Variants in FOLH1 observed in about 807,000 individuals in gnomAD.
FOLH1 encodes the protein folate hydrolase 1, also known as glutamate carboxypeptidase 2.
FOLH1 carries 54 observed loss-of-function variants against 93.9 expected under a neutral mutation model. That is an observed-to-expected ratio of 0.57 (90% confidence interval 0.46 to 0.72). The LOEUF (loss-of-function observed/expected upper bound fraction) is 0.72. Ranked by LOEUF, FOLH1 falls within the 30% of genes least tolerant of loss-of-function variation. FOLH1 has a pLI of 0.00. For synonymous variants in FOLH1, 249 were observed against 303.6 expected, an observed-to-expected ratio of 0.82 and a Z score of 1.87; for missense variants, 571 against 892.5, an observed-to-expected ratio of 0.64 and a Z score of 4.59.
chr11:49,164,079 C>CA (rs993244975), intron 13 of FOLH1, among the ~76,000 whole-genome samples: 21 of 152,280 alleles, frequency 1.4e-4, no homozygotes, highest in Admixed American at 2.6e-4. Flanking sequence ...TTACTTGCCC[C>CA]TTCAATTTCT....
chr11:49,164,199 C>A (rs1192158106), intron 13 of FOLH1, among the ~76,000 whole-genome samples: 1 of 152,122 alleles, frequency 6.6e-6, no homozygotes, highest in Non-Finnish European at 1.5e-5. Flanking sequence ...TATTTATAAT[C>A]CCTATCTGAA....
chr11:49,182,522 G>A (rs1860884538), intron 7 of FOLH1, among the ~76,000 whole-genome samples: 1 of 152,110 alleles, frequency 6.6e-6, no homozygotes, highest in Non-Finnish European at 1.5e-5. Context: ...CTCTCATAGT[G>A]TGTTATTCTG....
chr11:49,169,605 A>G (rs1343776798), intron 11 of FOLH1, among the ~76,000 whole-genome samples: 1 of 152,218 alleles, frequency 6.6e-6, no homozygotes, highest in Non-Finnish European at 1.5e-5. Flanking sequence ...TTCAGTGAAA[A>G]TCTTCCTATA....
chr11:49,173,519 T>C, intron 9 of FOLH1, 43 bp from the exon 10 acceptor site: 2 of 1,311,386 alleles, frequency 1.5e-6, no homozygotes, highest in Non-Finnish European at 2.0e-6. Context: ...TTCAGGTCAA[T>C]AAAAGAGAAA....
At chr11:49,193,614 G>A (rs754880588) in intron 3 of FOLH1, among the ~76,000 whole-genome samples, 7 of 151,752 alleles carry the variant, frequency 4.6e-5, no homozygotes, top group Non-Finnish European at 1.0e-4. Flanking sequence ...GCACTGAAAA[G>A]AATGAAAAAC....
intron 12 of FOLH1, among the ~76,000 whole-genome samples, chr11:49,167,048 A>AC (rs200648061): frequency 0.014 from 629 of 44,530 alleles, 2 homozygotes; most frequent in African/African-American, 0.023. Context: ...AACAACAACA[A>AC]AAAAAAACAG....
chr11:49,159,543 T>C lies in FOLH1; in HGVS notation c.1441-1500A>G, dbSNP rs535711423. ...CTGGATTCTGTTTGCCAGTACTTTA[T>C]TGAGGATTTTTGCATCATTGTTCAT... On this transcript the variant is annotated intron_variant, in intron 13 of 18. Transcript: ENST00000256999. Among the ~76,000 whole-genome samples the C allele has an allele frequency of 6.6e-5, 10 of 152,318 alleles. No individual in the cohort carries two copies. The South Asian group carries it at 1.7e-3, about 25-fold the overall frequency.
At chr11:49,170,227 G>A (rs1859078426) in intron 11 of FOLH1, among the ~76,000 whole-genome samples, 1 of 152,098 alleles carries the variant, frequency 6.6e-6, no homozygotes, top group African/African-American at 2.4e-5. Context: ...TTTTCAAATG[G>A]CTTAGTAAAT....
At chr11:49,185,026 G>A (rs1172752921) in intron 6 of FOLH1, among the ~76,000 whole-genome samples, 2 of 152,116 alleles carry the variant, frequency 1.3e-5, no homozygotes, top group African/African-American at 4.8e-5. Context: ...CTTTAGGGTT[G>A]TTAATGCAAG....
At chr11:49,193,541 A>T (rs562719966) in intron 3 of FOLH1, among the ~76,000 whole-genome samples, 10 of 152,092 alleles carry the variant, frequency 6.6e-5, no homozygotes, top group African/African-American at 1.4e-4. Flanking sequence ...AATTTACTTT[A>T]AAAAAAAGTA....
chr11:49,179,905 C>T (rs1297045652), intron 7 of FOLH1, among the ~76,000 whole-genome samples: 1 of 152,100 alleles, frequency 6.6e-6, no homozygotes, highest in African/African-American at 2.4e-5. Context: ...CTGACTTTAC[C>T]TAATTCCTAC....
chr11:49,195,944 A>G (rs1565207043), intron 3 of FOLH1, among the ~76,000 whole-genome samples: 1 of 152,224 alleles, frequency 6.6e-6, no homozygotes, highest in African/African-American at 2.4e-5. Context: ...TTACAAGGTC[A>G]GGAGTTCGAG....
chr11:49,147,705 C>T lies in FOLH1; in HGVS notation c.2064-760G>A, dbSNP rs1855933404. On this transcript the variant is annotated intron_variant, in intron 18 of 18. Transcript: ENST00000256999. ...TAGGGAGGCCAAGGTGGGAGGATTG[C>T]TTGAGGCCAGGAGTTCTAGACGAGC... Among the ~76,000 whole-genome samples, 3 of 152,032 alleles carry T rather than the reference C, an allele frequency of 2.0e-5. No homozygotes were observed. In the South Asian group the frequency reaches 6.2e-4, roughly 31 times the overall value.
At position 49,171,302 on chromosome 11, in the gene FOLH1, T is replaced by C; in HGVS notation, c.1226-25A>G. On this transcript the variant is annotated intron_variant, in intron 10 of 18. Transcript: ENST00000256999. The stretch of plus-strand genomic sequence containing the variant: ...CCTAAAATGTATGTGTATATATAAA[T>C]GATAGAAAAAAAATTCATAATATAC... The C allele has an allele frequency of 7.2e-6, 11 of 1,524,946 alleles. No homozygotes were observed. The Middle Eastern group carries it at 1.1e-3, about 146-fold the overall frequency. 94.5% of individuals were successfully genotyped at this position (1,524,946 alleles called of 1,614,324 possible). A position where few individuals can be genotyped will look rare whatever the true frequency, so the allele number is the denominator to read the frequency against.
intron 7 of FOLH1, among the ~76,000 whole-genome samples, chr11:49,182,841 A>G (rs184204025): frequency 1.3e-5 from 2 of 152,230 alleles, no homozygotes; most frequent in Admixed American, 1.3e-4. Context: ...GAGAACACCT[A>G]CAGGAAGCAT....
At chr11:49,186,026 A>C in intron 5 of FOLH1, 171 bp from the exon 6 acceptor site, 1 of 970,746 alleles carries the variant, frequency 1.0e-6, no homozygotes, top group Non-Finnish European at 1.4e-6. Context: ...TCTTTTTGCT[A>C]CTATAAGCTC....
intron 3 of FOLH1, among the ~76,000 whole-genome samples, chr11:49,194,398 A>C (rs1019538309): frequency 2.0e-5 from 3 of 152,086 alleles, no homozygotes; most frequent in Non-Finnish European, 4.4e-5. Context: ...AATTAGCCTT[A>C]AAGAATTCCC....
Position 49,208,530 on chromosome 11 carries a change from G to C in FOLH1, c.-121C>G, listed in dbSNP as rs1343461340. On this transcript the variant is annotated 5_prime_UTR_variant, in exon 1 of 19. Coordinates refer to ENST00000256999, the MANE Select transcript of FOLH1 (RefSeq NM_004476.3). ...AATCTCACTAATGCCTCGCTTATCA[G>C]CCCTGCAGGCTGGAATTCGCTCCAG... 1 of 646,858 alleles carries C rather than the reference G, an allele frequency of 1.5e-6. No homozygotes were observed. The highest frequency in any genetic ancestry group is 1.9e-5 in the African/African-American group (1 of 53,968). 40.1% of individuals were successfully genotyped at this position (646,858 alleles called of 1,614,324 possible).
At chr11:49,161,818 G>A (rs1329147660) in intron 13 of FOLH1, among the ~76,000 whole-genome samples, 1 of 152,154 alleles carries the variant, frequency 6.6e-6, no homozygotes. Context: ...AGACAGGTCT[G>A]GTGGTAACAA....
Sources: allele counts gnomAD v4.1 joint callset (sites outside exome capture counted in the v4.1 genomes callset), GRCh38; gene constraint gnomAD v4.1.1; transcripts MANE v1.5; gene names NCBI Gene and HGNC (gene_info 2026-07-23, HGNC 2026-07-21).